PTPRN: variants seen among roughly 807,000 people sequenced by gnomAD.
The protein encoded by PTPRN is protein tyrosine phosphatase receptor type N, also known as receptor-type tyrosine-protein phosphatase-like N.
In PTPRN, 70 loss-of-function variants were observed where a neutral mutation model predicts 108.5. The ratio of observed to expected loss-of-function variants is 0.65; its 90% CI spans 0.53 to 0.79. The LOEUF (loss-of-function observed/expected upper bound fraction) is 0.79. Among genes scored for constraint, PTPRN ranks in the 30% least tolerant of loss-of-function variants. PTPRN has a pLI of 0.00. For missense variants in PTPRN, 1,136 were observed against 1,295.5 expected (o/e 0.88, Z 1.89); for synonymous variants, 496 against 524.6 (o/e 0.95, Z 0.75).
chr2:219,307,638 C>G, intron 2 of PTPRN, 81 bp from the exon 3 acceptor site: 2 of 1,462,948 alleles, frequency 1.4e-6, no homozygotes, highest in Non-Finnish European at 1.9e-6. Context: ...ACTGTACTCT[C>G]TTCACTTTCT....
chr2:219,307,734 G>T, intron 2 of PTPRN, 58 bp downstream of exon 2: 1 of 1,589,710 alleles, frequency 6.3e-7, no homozygotes, highest in Non-Finnish European at 8.6e-7. Context: ...TCCCCTTCTT[G>T]TTTTTTATTG....
rs1180421091 is a variant in PTPRN, at chr2:219,296,501, G to A, written c.2326C>T (p.Arg776Trp). Residue 776 changes from arginine to tryptophan, a missense_variant, in exon 17 of 23, where the codon CGG becomes TGG. Transcript: ENST00000295718. This position sits in a 1 kb window ranked among gnomAD's most constrained non-coding sequence, Gnocchi z 6.0. ...TGCGTGGCTATGTAGGCTGGCATCC[G>A]AGGGTCATGCTCAATCTGGAGGCAG... ...NASPIIEHDPRMPAYIATQGP... is the reference protein window; with the variant it reads ...NASPIIEHDPWMPAYIATQGP... The A allele has an allele frequency of 3.7e-6, 6 of 1,614,068 alleles. No homozygotes were observed. The highest frequency in any genetic ancestry group is 1.7e-5 in the Admixed American group (1 of 60,026).
At chr2:219,301,815 A>G in intron 6 of PTPRN, 96 bp from the exon 7 acceptor site, 1 of 1,410,514 alleles carries the variant, frequency 7.1e-7, no homozygotes, top group South Asian at 1.4e-5. Flanking sequence ...TAGCATGTTA[A>G]GAGAGTCTTC....
At position 219,300,928 on chromosome 2, in the gene PTPRN, G is replaced by T; in HGVS notation, c.1161+15C>A. 1 of 1,613,706 alleles carries T rather than the reference G, an allele frequency of 6.2e-7. No individual in the cohort carries two copies. The highest frequency in any genetic ancestry group is 8.5e-7 in the Non-Finnish European group (1 of 1,179,612). ...CATGGGGTGATTATGAGTCAAGGAG[G>T]TGCTGGGGACTCACTTTCTTGATAT... On this transcript the variant is annotated intron_variant, in intron 8 of 22. Transcript: ENST00000295718.
At chr2:219,308,543 C>A (rs1952541980) in intron 1 of PTPRN, among the ~76,000 whole-genome samples, 1 of 152,150 alleles carries the variant, frequency 6.6e-6, no homozygotes, top group Non-Finnish European at 1.5e-5. Flanking sequence ...GCCCCTTCCC[C>A]CACGCGCCAC....
chr2:219,296,830 G>A lies in PTPRN; in HGVS notation c.2237-8C>T, dbSNP rs1403114506. On this transcript the variant is annotated splice_region_variant and splice_polypyrimidine_tract_variant and intron_variant, in intron 15 of 22. Coordinates refer to ENST00000295718, the MANE Select transcript of PTPRN (RefSeq NM_002846.4). This position sits in a 1 kb window ranked among gnomAD's most constrained non-coding sequence, Gnocchi z 6.0. Reference sequence around the variant, plus strand: ...TTATGCGGGCATGGTCATCTGCACAGACCCGACACCCCACCCCAGATGGCC... The same window carrying A: ...TTATGCGGGCATGGTCATCTGCACAAACCCGACACCCCACCCCAGATGGCC... The A allele has an allele frequency of 1.2e-6, 2 of 1,614,046 alleles. No homozygotes were observed. Among genetic ancestry groups the A allele is most frequent in the Non-Finnish European group, 8.5e-7 (1 of 1,179,984 alleles).
chr2:219,308,765 C>G, intron 1 of PTPRN: 1 of 1,168,452 alleles, frequency 8.6e-7, no homozygotes, highest in African/African-American at 1.6e-5. Flanking sequence ...ACCCTGGCCT[C>G]TCTCTCTGCC....
At chr2:219,298,461 TG>T (rs1269704307) in intron 12 of PTPRN, among the ~76,000 whole-genome samples, 4 of 152,144 alleles carry the variant, frequency 2.6e-5, no homozygotes, top group African/African-American at 9.7e-5. Context: ...CTCAGCACTT[TG>T]GGGGGCCAAA....
At chr2:219,293,656 C>T (rs924313187) in intron 19 of PTPRN, among the ~76,000 whole-genome samples, 4 of 152,244 alleles carry the variant, frequency 2.6e-5, no homozygotes, top group South Asian at 2.1e-4. Flanking sequence ...GCTCTGATAC[C>T]CTGGCACTGC....
Position 219,290,810 on chromosome 2 carries a change from T to C in PTPRN, c.2794+16A>G. 6.2e-7 allele frequency: 1 copy of C among 1,613,252 alleles called. No homozygotes were observed. Among genetic ancestry groups the C allele is most frequent in the Non-Finnish European group, 8.5e-7 (1 of 1,179,306 alleles). ...AAGGGCCTGGGGGCTGCGGGCACCG[T>C]GGGGAAGCTCCCTACCTTTTGCCAT... is the stretch of plus-strand genomic sequence containing the variant. On this transcript the variant is annotated intron_variant, in intron 21 of 22. Coordinates refer to ENST00000295718, the MANE Select transcript of PTPRN (RefSeq NM_002846.4). This position sits in a 1 kb window ranked among gnomAD's most constrained non-coding sequence, Gnocchi z 4.2.
chr2:219,301,100 A>G (rs1398191746), intron 7 of PTPRN, 123 bp from the exon 8 acceptor site: 1 of 941,084 alleles, frequency 1.1e-6, no homozygotes, highest in Non-Finnish European at 1.7e-6. Flanking sequence ...CATCTCAGTC[A>G]GTGACCAAGA....
In PTPRN at chr2:219,297,208, C is replaced by T. The variant is rs1278892634; in HGVS notation, c.2088+25G>A. The stretch of plus-strand genomic sequence containing the variant: ...TCTCACCATCCCATTCCTTCACCCA[C>T]TCTGGGCCCAGGCCCTGTCCTGACC... On this transcript the variant is annotated intron_variant, in intron 14 of 22. Coordinates refer to ENST00000295718, the MANE Select transcript of PTPRN (RefSeq NM_002846.4). The surrounding 1 kb of genome is among the most constrained non-coding windows in gnomAD (Gnocchi z 6.0). 1 of 1,611,308 alleles carries T rather than the reference C, an allele frequency of 6.2e-7. No individual in the cohort carries two copies. Among genetic ancestry groups the T allele is most frequent in the Non-Finnish European group, 8.5e-7 (1 of 1,178,158 alleles).
In PTPRN at chr2:219,296,879, C is replaced by A; in HGVS notation, c.2237-57G>T. Reference sequence around the variant, plus strand: ...CCCTCTGGTCATTGGCATCGCGGGACCTCTGCCACTCAGCCTGAGCCAGAA... The same window carrying A: ...CCCTCTGGTCATTGGCATCGCGGGAACTCTGCCACTCAGCCTGAGCCAGAA... On this transcript the variant is annotated intron_variant, in intron 15 of 22. Transcript: ENST00000295718. The surrounding 1 kb of genome is among the most constrained non-coding windows in gnomAD (Gnocchi z 6.0). 4 of 1,613,282 alleles carry A rather than the reference C, an allele frequency of 2.5e-6. No individual in the cohort carries two copies. Among genetic ancestry groups the A allele is most frequent in the Non-Finnish European group, 3.4e-6 (4 of 1,179,394 alleles).
chr2:219,308,890 C>G, intron 1 of PTPRN: 6 of 1,355,306 alleles, frequency 4.4e-6, no homozygotes, highest in Non-Finnish European at 5.9e-6. Context: ...ACCTCCCAGG[C>G]GCCTCGGAGC....
chr2:219,303,274 A>G (rs774879783), intron 4 of PTPRN, among the ~76,000 whole-genome samples: 10 of 152,190 alleles, frequency 6.6e-5, no homozygotes, highest in Non-Finnish European at 1.2e-4. Context: ...CCACTATGCC[A>G]TCTTCATCCT....
At chr2:219,308,996 C>T (rs1332551678) in intron 1 of PTPRN, 10 of 1,524,460 alleles carry the variant, frequency 6.6e-6, no homozygotes, top group Non-Finnish European at 8.8e-6. Flanking sequence ...TTCCCCAGAG[C>T]CCAATTCTCT....
rs1439606611 is a variant in PTPRN, at chr2:219,294,959, G to A, written c.2675+16C>T. On this transcript the variant is annotated intron_variant, in intron 19 of 22. Coordinates refer to ENST00000295718, the MANE Select transcript of PTPRN (RefSeq NM_002846.4). Reference sequence around the variant, plus strand: ...CCGCCCATGCGGTCCCTCCAGGCGGGGGCGCCCGCGCTCACCTGCGGAAGT... The same window carrying A: ...CCGCCCATGCGGTCCCTCCAGGCGGAGGCGCCCGCGCTCACCTGCGGAAGT... The A allele has an allele frequency of 1.3e-6, 2 of 1,539,380 alleles. No individual in the cohort carries two copies. The highest frequency in any genetic ancestry group is 2.8e-5 in the African/African-American group (2 of 70,470).
chr2:219,299,407 C>T (rs1306481910), intron 10 of PTPRN, 23 bp from the exon 11 acceptor site: 1 of 1,609,836 alleles, frequency 6.2e-7, no homozygotes, highest in Admixed American at 1.7e-5. Flanking sequence ...AGCTATGTTA[C>T]TGCCTTCTCC....
In PTPRN at chr2:219,290,371, G is replaced by T; in HGVS notation, c.2869-74C>A. 1 of 1,442,466 alleles carries T rather than the reference G, an allele frequency of 6.9e-7. No homozygotes were observed. The allele number at this position is 1,442,466 out of a possible 1,614,324, so 89.4% of individuals were successfully genotyped here. A position where few individuals can be genotyped will look rare whatever the true frequency, so the allele number is the denominator to read the frequency against. On this transcript the variant is annotated intron_variant, in intron 22 of 22. Coordinates refer to ENST00000295718, the MANE Select transcript of PTPRN (RefSeq NM_002846.4). This position sits in a 1 kb window ranked among gnomAD's most constrained non-coding sequence, Gnocchi z 4.2. The stretch of plus-strand genomic sequence containing the variant: ...TCTGCCCTCAAGATGGGGGGCTTTT[G>T]GTGGGGGGAGGGCCCTGGGCAGGTC...
Sources: gnomAD v4.1 joint callset for allele counts (sites outside exome capture counted in the v4.1 genomes callset) on GRCh38, gnomAD v4.1.1 for gene constraint, Gnocchi (gnomAD v3.1) non-coding constraint, MANE v1.5 for transcripts, NCBI Gene and HGNC (gene_info 2026-07-23, HGNC 2026-07-21) for gene names.